PHIP: variants seen among roughly 807,000 people sequenced by gnomAD.
The protein encoded by PHIP is PH-interacting protein.
PHIP carries 54 observed loss-of-function variants against 236.8 expected under a neutral mutation model. The ratio of observed to expected loss-of-function variants is 0.23; its 90% confidence interval spans 0.18 to 0.29. The LOEUF (loss-of-function observed/expected upper bound fraction) is 0.29. Ranked by LOEUF, PHIP falls within the 10% of genes least tolerant of loss-of-function variation. The probability of loss-of-function intolerance (pLI) is 1.00; values close to 1 mark genes in which losing one functional copy is unlikely to be tolerated. For synonymous variants in PHIP, 756 were observed against 718.9 expected (o/e 1.05, Z -0.83); for missense variants, 1,370 against 2,190.8 (o/e 0.63, Z 7.48).
chr6:79,053,485 G>T (rs1312665694), intron 6 of PHIP, among the ~76,000 whole-genome samples: 3 of 152,100 alleles, frequency 2.0e-5, no homozygotes, highest in Non-Finnish European at 4.4e-5. Context: ...ACTGAACATA[G>T]TTTTCTTTTA....
chr6:79,002,951 G>T (rs1414877883), intron 16 of PHIP, among the ~76,000 whole-genome samples: 1 of 151,906 alleles, frequency 6.6e-6, no homozygotes, highest in Non-Finnish European at 1.5e-5. Context: ...ACTCAACCAG[G>T]ACATAAATTT....
At chr6:78,958,697 C>A in intron 31 of PHIP, 97 bp from the exon 32 acceptor site, 1 of 747,740 alleles carries the variant, frequency 1.3e-6, no homozygotes, top group Non-Finnish European at 2.3e-6. Context: ...CAACTTCAGT[C>A]TAAACCAACT....
intron 3 of PHIP, 35 bp downstream of exon 3, chr6:79,077,662 CGCG>C: frequency 1.0e-6 from 1 of 966,590 alleles, no homozygotes; most frequent in Non-Finnish European, 1.2e-6. Flanking sequence ...GAGGCGGCCG[CGCG>C]GCGGCGGGAC....
At chr6:79,004,486 C>A in intron 15 of PHIP, 1 of 784,556 alleles carries the variant, frequency 1.3e-6, no homozygotes, top group Non-Finnish European at 1.5e-6. Flanking sequence ...TTTTTGCTCT[C>A]AGTGCTTCTT....
intron 17 of PHIP, among the ~76,000 whole-genome samples, chr6:79,000,410 A>T (rs772434756): frequency 6.6e-5 from 10 of 152,106 alleles, no homozygotes; most frequent in Non-Finnish European, 1.5e-4. Flanking sequence ...ATTCTATGAC[A>T]CATTACCATT....
At chr6:78,969,801 T>C (rs375318893) in intron 27 of PHIP, 34 bp downstream of exon 27, 318 of 1,031,922 alleles carry the variant, frequency 3.1e-4, no homozygotes, top group South Asian at 6.0e-4. Context: ...AAAAACCACA[T>C]CAAACATCGA....
At chr6:78,991,507 A>AAC (rs1424505514) in intron 19 of PHIP, among the ~76,000 whole-genome samples, 9 of 152,194 alleles carry the variant, frequency 5.9e-5, no homozygotes, top group Non-Finnish European at 5.9e-5. Flanking sequence ...GAAACTGAAC[A>AAC]ACACAAATTG....
At position 79,017,546 on chromosome 6, in the gene PHIP, A is replaced by C. The variant is rs1455882576; in HGVS notation, c.1032T>G (p.Ile344Met). Residue 344 changes from isoleucine to methionine, a missense_variant, in exon 11 of 40, where the codon ATT (isoleucine) becomes ATG (methionine). By Grantham distance (10) the Ile-to-Met change is conservative. Coordinates refer to ENST00000275034, the MANE Select transcript of PHIP (RefSeq NM_017934.7). Reference sequence around the variant, plus strand: ...CTGATCCAAAAAAATAAACCCGAATAATATGATCTGTGCTTCCCGTCGCCA... The same window carrying C: ...CTGATCCAAAAAAATAAACCCGAATCATATGATCTGTGCTTCCCGTCGCCA... ...MFLATGSTDH[I>M]IRVYFFGSGQ... 1 of 1,612,304 alleles carries C rather than the reference A, an allele frequency of 6.2e-7. No homozygotes were observed. The highest frequency in any genetic ancestry group is 1.1e-5 in the South Asian group (1 of 91,008).
chr6:79,036,757 T>C (rs183935671), intron 7 of PHIP, among the ~76,000 whole-genome samples: 1 of 151,510 alleles, frequency 6.6e-6, no homozygotes, highest in Non-Finnish European at 1.5e-5. Context: ...CTGTCTCTAC[T>C]AAAAATACAA....
chr6:79,074,149 CAAA>C (rs1032186790), intron 4 of PHIP, among the ~76,000 whole-genome samples: 2 of 151,712 alleles, frequency 1.3e-5, no homozygotes, highest in Non-Finnish European at 2.9e-5. Flanking sequence ...AGCAAACAAA[CAAA>C]AAAGATTTCT....
intron 32 of PHIP, 40 bp downstream of exon 32, chr6:78,958,432 AATT>A (rs767713042): frequency 8.3e-7 from 1 of 1,198,334 alleles, no homozygotes; most frequent in African/African-American, 1.5e-5. Context: ...TAGTGCCATT[AATT>A]ATTAAAACTA....
chr6:79,036,084 T>C (rs948100279), intron 7 of PHIP, among the ~76,000 whole-genome samples: 1 of 152,210 alleles, frequency 6.6e-6, no homozygotes, highest in Non-Finnish European at 1.5e-5. Context: ...TCCTATTTAC[T>C]GGGTAGGCTA....
At chr6:78,991,426 A>C (rs533081827) in intron 19 of PHIP, among the ~76,000 whole-genome samples, 4 of 152,062 alleles carry the variant, frequency 2.6e-5, no homozygotes, top group Non-Finnish European at 5.9e-5. Flanking sequence ...GAAAGCCCTG[A>C]AAGAACTACA....
intron 24 of PHIP, among the ~76,000 whole-genome samples, chr6:78,974,241 T>G (rs567029185): frequency 2.0e-5 from 3 of 152,038 alleles, no homozygotes; most frequent in Non-Finnish European, 4.4e-5. Context: ...ACCGCTCAAC[T>G]ACATGGAAAC....
At chr6:79,000,661 GAAGA>G (rs1769927100) in intron 17 of PHIP, among the ~76,000 whole-genome samples, 1 of 152,018 alleles carries the variant, frequency 6.6e-6, no homozygotes, top group Non-Finnish European at 1.5e-5. Context: ...CCGAGAGACT[GAAGA>G]CATTTCTCTT....
chr6:79,029,591 G>A (rs772725565), intron 7 of PHIP, among the ~76,000 whole-genome samples: 5 of 152,202 alleles, frequency 3.3e-5, no homozygotes, highest in African/African-American at 1.2e-4. Flanking sequence ...GTACAGTGGC[G>A]TGATCATGGC....
intron 23 of PHIP, among the ~76,000 whole-genome samples, chr6:78,979,304 C>T (rs548355806): frequency 2.0e-5 from 3 of 152,114 alleles, no homozygotes; most frequent in African/African-American, 7.2e-5. Context: ...ATAGCCAACA[C>T]TCACAACAAG....
intron 4 of PHIP, 30 bp from the exon 5 acceptor site, chr6:79,060,848 T>G: frequency 7.1e-7 from 1 of 1,415,728 alleles, no homozygotes; most frequent in South Asian, 1.4e-5. Context: ...TATAGTAGGT[T>G]TCAGTTTATC....
At position 78,997,477 on chromosome 6, in the gene PHIP, T is replaced by A. The variant is rs1769695560; in HGVS notation, c.2138A>T (p.Glu713Val). The A allele has an allele frequency of 6.2e-7, 1 of 1,614,020 alleles. No homozygotes were observed. Among genetic ancestry groups the A allele is most frequent in the Non-Finnish European group, 8.5e-7 (1 of 1,179,956 alleles). ...TCGACTCCAAGCTACCAGATCCCGC[T>A]CTGTGGCTATTTCACTTCTTGGTGC... is the stretch of plus-strand genomic sequence containing the variant. The part of the protein sequence containing the change: ...SNAPRSEIAT[E>V]RDLVAWSRRV... Residue 713 changes from glutamate to valine, a missense_variant, in exon 19 of 40, where the codon GAG becomes GTG. Glu to Val is a moderately radical substitution (Grantham distance 121). Coordinates refer to ENST00000275034, the MANE Select transcript of PHIP (RefSeq NM_017934.7).
Sources: gnomAD v4.1 joint callset for allele counts (sites outside exome capture counted in the v4.1 genomes callset) on GRCh38, gnomAD v4.1.1 for gene constraint, MANE v1.5 for transcripts, NCBI Gene and HGNC (gene_info 2026-07-23, HGNC 2026-07-21) for gene names.